RECQL: variants seen among roughly 807,000 people sequenced by gnomAD.
The protein encoded by RECQL is ATP-dependent DNA helicase Q1.
A neutral mutation model predicts 75.8 loss-of-function variants in RECQL; 73 were observed. The ratio of observed to expected loss-of-function variants is 0.96; its 90% CI spans 0.80 to 1.17. The LOEUF is 1.17. Ranked by LOEUF, RECQL falls within the 50% of genes most tolerant of loss-of-function variation. The pLI is 0.00. For synonymous variants in RECQL, 248 were observed against 254.4 expected (o/e 0.97, Z 0.24); for missense variants, 699 against 772.1 (o/e 0.91, Z 1.12).
chr12:21,498,366 G>C (rs1334577944), intron 2 of RECQL, among the ~76,000 whole-genome samples: 1 of 152,122 alleles, frequency 6.6e-6, no homozygotes, highest in Non-Finnish European at 1.5e-5. Flanking sequence ...AATGGGAGTG[G>C]CTCTTCTATT....
intron 12 of RECQL, among the ~76,000 whole-genome samples, chr12:21,472,575 T>C (rs1023855629): frequency 6.6e-6 from 1 of 152,080 alleles, no homozygotes; most frequent in African/African-American, 2.4e-5. Context: ...TTTTCGGGCA[T>C]TGTCACGGCA....
At chr12:21,500,672 T>C (rs574443609) in intron 1 of RECQL, among the ~76,000 whole-genome samples, 2 of 152,328 alleles carry the variant, frequency 1.3e-5, no homozygotes, top group South Asian at 2.1e-4. Context: ...TTCCATAGAC[T>C]GTAAGGTCCT....
rs548990131 is a variant in RECQL at position 21,470,007 on chromosome 12, A to G, written c.*187T>C. ...CCCTTGTTTTATACTGGAAAATTAT[A>G]TAATTCATGATCTCTAATTTTCAAA... On this transcript the variant is annotated 3_prime_UTR_variant, in exon 15 of 15. Transcript: ENST00000444129. The G allele has an allele frequency of 2.3e-5, 17 of 723,980 alleles. No homozygotes were observed. The East Asian group carries it at 4.8e-4, about 21-fold the overall frequency. The allele number at this position is 723,980 out of a possible 1,614,324, so 44.8% of individuals were successfully genotyped here.
At chr12:21,487,041 G>A (rs1265691708) in intron 4 of RECQL, among the ~76,000 whole-genome samples, 2 of 152,102 alleles carry the variant, frequency 1.3e-5, no homozygotes, top group East Asian at 3.9e-4. Context: ...CTTTAGTAAA[G>A]CTTACTTCTT....
At chr12:21,486,430 A>G (rs1943296862) in intron 5 of RECQL, 49 bp downstream of exon 5, 1 of 1,519,230 alleles carries the variant, frequency 6.6e-7, no homozygotes, top group Admixed American at 2.3e-5. Flanking sequence ...TAAAGCTCCT[A>G]TTTCAGTGAA....
At chr12:21,500,141 T>G (rs1169795336) in intron 1 of RECQL, among the ~76,000 whole-genome samples, 1 of 152,184 alleles carries the variant, frequency 6.6e-6, no homozygotes, top group African/African-American at 2.4e-5. Flanking sequence ...ATAATAAAAT[T>G]AATCATCTAA....
In RECQL at chr12:21,486,562, A is replaced by G. The variant is rs894787576; in HGVS notation, c.418T>C (p.Leu140=). 1.9e-6 allele frequency: 3 copies of G among 1,594,312 alleles called. No homozygotes were observed. Among genetic ancestry groups the G allele is most frequent in the East Asian group, 4.5e-5 (2 of 44,498 alleles). ...AATTGGTCTTCCATAAGAGAGATCA[A>G]TGGGCAAATGACGAGTGTAAAACCT... The part of the protein sequence containing the change: ...SDGFTLVICP[L]ISLMEDQLMV... Residue 140 remains leucine (L), a synonymous_variant, in exon 5 of 15, where the codon TTG becomes CTG. Transcript: ENST00000444129.
chr12:21,471,688 G>C, intron 12 of RECQL, 41 bp from the exon 13 acceptor site: 7 of 1,503,076 alleles, frequency 4.7e-6, no homozygotes, highest in Non-Finnish European at 6.5e-6. Context: ...TTAGGATTTA[G>C]AAATGAGGGC....
At chr12:21,499,516 G>A (rs767733236) in intron 2 of RECQL, 39 bp downstream of exon 2, 5 of 1,515,978 alleles carry the variant, frequency 3.3e-6, no homozygotes, top group Non-Finnish European at 4.5e-6. Context: ...AACAGAAATA[G>A]AACAGAAGGA....
rs184535928 is a variant in RECQL at position 21,474,227 on chromosome 12, C to T, written c.1356-585G>A. Among the ~76,000 whole-genome samples, 143 of 152,108 alleles carry T rather than the reference C, an allele frequency of 9.4e-4. 1 individual carries two copies. In the Middle Eastern group the frequency reaches 0.01, roughly 11 times the overall value. ...TCTACTGGCCTTTGGAAGACATTTT[C>T]ATTTTCTCATTTCTTTTAACTAGAT... is the stretch of plus-strand genomic sequence containing the variant. On this transcript the variant is annotated intron_variant, in intron 11 of 14. Coordinates refer to ENST00000444129, the MANE Select transcript of RECQL (RefSeq NM_002907.4).
At position 21,481,590 on chromosome 12, in the gene RECQL, G is replaced by A. The variant is rs141432844; in HGVS notation, c.700+1786C>T. 3.0e-3 allele frequency among the ~76,000 whole-genome samples: 456 copies of A among 151,986 alleles called. 6 individuals are homozygous for A. Among genetic ancestry groups the A allele is most frequent in the East Asian group, 3.7e-3 (19 of 5,138 alleles). ...AAAGAGGGGCCCTTAATAGAAAGGC[G>A]TATACATCCCGTTTAAGGCATTTAA... On this transcript the variant is annotated intron_variant, in intron 6 of 14. Transcript: ENST00000444129.
In RECQL at chr12:21,487,395, AAC is replaced by A. The variant is rs757480144; in HGVS notation, c.395-812_395-811del. Among the ~76,000 whole-genome samples the A allele has an allele frequency of 9.2e-5, 14 of 152,306 alleles. No individual in the cohort carries two copies. The East Asian group carries it at 2.7e-3, about 29-fold the overall frequency. ...CATTTATGCTGAGTAGAAATCAGTGAACAGTTTACTGTCTGAATGAAGTTATA... is the reference window on the plus strand; with the variant it reads ...CATTTATGCTGAGTAGAAATCAGTGAAGTTTACTGTCTGAATGAAGTTATA... On this transcript the variant is annotated intron_variant, in intron 4 of 14. Transcript: ENST00000444129.
rs369021242 is a variant in RECQL at position 21,501,237 on chromosome 12, G to C, written c.-113C>G. On this transcript the variant is annotated 5_prime_UTR_variant, in exon 1 of 15. The change creates a new upstream start codon in the 5' untranslated region. Coordinates refer to ENST00000444129, the MANE Select transcript of RECQL (RefSeq NM_002907.4). ...CCTCCTGCATGGAAAAGAATGGGGAGATCAGAAGACCGGTCAGCAGGCGAA... is the reference window on the plus strand; with the variant it reads ...CCTCCTGCATGGAAAAGAATGGGGACATCAGAAGACCGGTCAGCAGGCGAA... 3.9e-5 allele frequency: 6 copies of C among 152,338 alleles called. 1 individual carries two copies. The highest frequency in any genetic ancestry group is 2.4e-5 in the African/African-American group (1 of 41,540). The allele number at this position is 152,338 out of a possible 1,614,324, so 9.4% of individuals were successfully genotyped here. A position where few individuals can be genotyped will look rare whatever the true frequency, so the allele number is the denominator to read the frequency against.
chr12:21,483,926 TA>T (rs1283761096), intron 5 of RECQL, among the ~76,000 whole-genome samples: 1 of 152,144 alleles, frequency 6.6e-6, no homozygotes, highest in Non-Finnish European at 1.5e-5. Flanking sequence ...ATGCAATTGT[TA>T]TGGTTATAAA....
chr12:21,500,188 T>C (rs185027210), intron 1 of RECQL, among the ~76,000 whole-genome samples: 71 of 152,250 alleles, frequency 4.7e-4, no homozygotes, highest in Admixed American at 1.5e-3. Flanking sequence ...AATTACAATA[T>C]AAGCCCAATC....
At chr12:21,486,129 G>A (rs1044974048) in intron 5 of RECQL, among the ~76,000 whole-genome samples, 1 of 152,120 alleles carries the variant, frequency 6.6e-6, no homozygotes, top group Non-Finnish European at 1.5e-5. Flanking sequence ...CTACTCCACT[G>A]TGCCATTATA....
Position 21,491,549 on chromosome 12 carries a change from CAT to C in RECQL, c.182_183del (p.Tyr61Ter), listed in dbSNP as rs1255378868. On this transcript the variant is annotated frameshift_variant, in exon 3 of 15. Transcript: ENST00000444129. LOFTEE classifies it high-confidence loss of function. ...EDSDAGASNE[Y>X]DSSPAAWNKE... Reference sequence around the variant, plus strand: ...TTATTCCAAGCGGCAGGTGAAGAATCATATTCATTGCTTGCCCCGGCATCAGA... The same window carrying C: ...TTATTCCAAGCGGCAGGTGAAGAATCATTCATTGCTTGCCCCGGCATCAGA... 6.2e-7 allele frequency: 1 copy of C among 1,608,144 alleles called. No homozygotes were observed. Among genetic ancestry groups the C allele is most frequent in the African/African-American group, 1.4e-5 (1 of 74,016 alleles).
intron 11 of RECQL, 35 bp downstream of exon 11, chr12:21,474,806 A>T (rs752898705): frequency 1.3e-6 from 2 of 1,591,456 alleles, no homozygotes; most frequent in Non-Finnish European, 1.7e-6. Flanking sequence ...TATTTGCTTT[A>T]ATTGATAAAA....
At chr12:21,477,019 G>A (rs751445627) in intron 7 of RECQL, 27 bp from the exon 8 acceptor site, 2 of 1,518,848 alleles carry the variant, frequency 1.3e-6, no homozygotes, top group South Asian at 2.3e-5. Flanking sequence ...TTATTAAAAA[G>A]TAAATGAATG....
Sources: gnomAD v4.1 joint callset for allele counts (sites outside exome capture counted in the v4.1 genomes callset) on GRCh38, gnomAD v4.1.1 for gene constraint, MANE v1.5 for transcripts, NCBI Gene and HGNC (gene_info 2026-07-23, HGNC 2026-07-21) for gene names.